Variants in DCC observed in about 807,000 individuals in gnomAD.
The protein encoded by DCC is DCC netrin 1 receptor.
DCC carries 58 observed loss-of-function variants against 172.5 expected under a neutral mutation model. That is an observed-to-expected ratio of 0.34 (90% CI 0.27 to 0.42). The LOEUF is 0.42. DCC is among the 10% of genes least tolerant of loss of function. DCC has a pLI of 1.00. For synonymous variants in DCC, 709 were observed against 644.5 expected (o/e 1.10, Z -1.52); for missense variants, 1,740 against 1,791.0 (o/e 0.97, Z 0.51).
At chr18:53,132,077 A>C (rs2043665286) in intron 7 of DCC, among the ~76,000 whole-genome samples, 1 of 149,480 alleles carries the variant, frequency 6.7e-6, no homozygotes. Flanking sequence ...TTTATAGTGA[A>C]AGTGTGTCTT....
rs183304897 is a variant in DCC, at chr18:52,961,145, G to T, written c.985+35775G>T. ...GCCCGGTGTGGGGGCCTGTTGTGCG[G>T]TGGGGAGAGGGAGGAGGGATAGCAT... On this transcript the variant is annotated intron_variant, in intron 5 of 28. Coordinates refer to ENST00000442544, the MANE Select transcript of DCC (RefSeq NM_005215.4). Among the ~76,000 whole-genome samples, 10 of 152,252 alleles carry T rather than the reference G, an allele frequency of 6.6e-5. No homozygotes were observed. The East Asian group carries it at 1.7e-3, about 27-fold the overall frequency.
At chr18:52,646,804 T>C (rs2035027957) in intron 1 of DCC, among the ~76,000 whole-genome samples, 1 of 152,182 alleles carries the variant, frequency 6.6e-6, no homozygotes, top group South Asian at 2.1e-4. Flanking sequence ...TCATCAAACC[T>C]AGTTATTCAA....
At chr18:52,982,269 A>C (rs906628806) in intron 5 of DCC, among the ~76,000 whole-genome samples, 3 of 152,184 alleles carry the variant, frequency 2.0e-5, no homozygotes, top group Non-Finnish European at 2.9e-5. Flanking sequence ...TATACTCACA[A>C]GAGGGTATAG....
At chr18:53,368,910 T>A (rs2058032282) in intron 15 of DCC, among the ~76,000 whole-genome samples, 1 of 151,964 alleles carries the variant, frequency 6.6e-6, no homozygotes. Flanking sequence ...CAAAATTGTT[T>A]TGGCTATTTG....
At chr18:52,470,551 CAG>C (rs1209785683) in intron 1 of DCC, among the ~76,000 whole-genome samples, 2 of 152,104 alleles carry the variant, frequency 1.3e-5, no homozygotes, top group Non-Finnish European at 2.9e-5. Flanking sequence ...GTAATGCCCA[CAG>C]AGAGGCAGAA....
chr18:52,494,722 G>T (rs185481930), intron 1 of DCC, among the ~76,000 whole-genome samples: 5 of 151,854 alleles, frequency 3.3e-5, no homozygotes, highest in African/African-American at 1.2e-4. Flanking sequence ...GCATCTGTTT[G>T]CTCCAGCTTG....
chr18:53,524,297 GA>G (rs369328515), intron 27 of DCC, among the ~76,000 whole-genome samples: 31 of 146,000 alleles, frequency 2.1e-4, no homozygotes, highest in South Asian at 1.5e-3. Flanking sequence ...TTGAATACAT[GA>G]AAAAAAAAAG....
At position 52,977,155 on chromosome 18, in the gene DCC, C is replaced by T. The variant is rs1598990947; in HGVS notation, c.985+51785C>T. Among the ~76,000 whole-genome samples the T allele has an allele frequency of 2.0e-5, 3 of 151,324 alleles. 1 individual carries two copies. Among genetic ancestry groups the T allele is most frequent in the Admixed American group, 2.0e-4 (3 of 15,224 alleles). On this transcript the variant is annotated intron_variant, in intron 5 of 28. Transcript: ENST00000442544. ...ATTGTTTTATGTCATCTTTTTTTTT[C>T]TTACCCCTCATAACTAAGCTCAGTC... is the stretch of plus-strand genomic sequence containing the variant.
chr18:52,868,053 A>ATATGTGTG (rs61579666), intron 2 of DCC, among the ~76,000 whole-genome samples: 9 of 144,356 alleles, frequency 6.2e-5, no homozygotes, highest in African/African-American at 2.1e-4. Context: ...ATATATATAT[A>ATATGTGTG]TGTGTGTGTG....
chr18:53,324,583 C>A (rs904462694), intron 14 of DCC, among the ~76,000 whole-genome samples: 5 of 151,798 alleles, frequency 3.3e-5, no homozygotes, highest in Non-Finnish European at 7.4e-5. Flanking sequence ...GGAAGCCATG[C>A]GAATAGGTCA....
At chr18:53,247,327 C>T (rs35795577) in intron 12 of DCC, among the ~76,000 whole-genome samples, 9 of 151,908 alleles carry the variant, frequency 5.9e-5, no homozygotes, top group Admixed American at 2.0e-4. Flanking sequence ...AAGAAGACAC[C>T]GTGTGGTGAG....
At chr18:52,645,617 A>G (rs1262811053) in intron 1 of DCC, among the ~76,000 whole-genome samples, 5 of 152,228 alleles carry the variant, frequency 3.3e-5, no homozygotes, top group Admixed American at 3.3e-4. Context: ...GGAATATCCC[A>G]GGTGCATTGT....
chr18:52,610,163 AAAAAAAAAAAAAAAAATATATATATAT>A (rs1213966954), intron 1 of DCC, among the ~76,000 whole-genome samples: 4 of 19,026 alleles, frequency 2.1e-4, no homozygotes, highest in South Asian at 2.8e-3. Context: ...AAAAAAAAAA[AAAAAAAAAAAAAAAAATATATATATAT>A]ATATATATAT....
intron 1 of DCC, among the ~76,000 whole-genome samples, chr18:52,373,194 A>C (rs1985198738): frequency 6.6e-6 from 1 of 152,176 alleles, no homozygotes; most frequent in Non-Finnish European, 1.5e-5. Flanking sequence ...AGTGAGGCAA[A>C]CTAATGGCCA....
intron 1 of DCC, among the ~76,000 whole-genome samples, chr18:52,408,248 A>T (rs939213589): frequency 6.6e-6 from 1 of 152,058 alleles, no homozygotes; most frequent in African/African-American, 2.4e-5. Flanking sequence ...GATTTTTTTA[A>T]GAACTGAAAT....
At chr18:53,381,571 AC>A (rs1907741087) in intron 15 of DCC, among the ~76,000 whole-genome samples, 3 of 75,846 alleles carry the variant, frequency 4.0e-5, no homozygotes, top group Admixed American at 3.5e-4. Flanking sequence ...CCCCCCCCCC[AC>A]CACCACCTTA....
intron 2 of DCC, among the ~76,000 whole-genome samples, chr18:52,819,206 CAA>C (rs71829384): frequency 1.3e-5 from 2 of 152,016 alleles, no homozygotes; most frequent in Admixed American, 6.5e-5. Context: ...ACCAACAAGA[CAA>C]AGAGCTAATC....
intron 21 of DCC, among the ~76,000 whole-genome samples, chr18:53,428,299 A>ATATAT (rs1555670491): frequency 3.0e-4 from 11 of 36,854 alleles, no homozygotes; most frequent in South Asian, 1.8e-3. Flanking sequence ...GAATATAATA[A>ATATAT]TATATAGAAT....
At chr18:52,387,574 TCTTC>T (rs58543615) in intron 1 of DCC, among the ~76,000 whole-genome samples, 10,260 of 122,018 alleles carry the variant, frequency 0.084, 459 homozygotes, top group South Asian at 0.14. Context: ...TTGTTTTGTT[TCTTC>T]CTTCCTTCCT....
Sources: gnomAD v4.1 joint callset for allele counts (sites outside exome capture counted in the v4.1 genomes callset) on GRCh38, gnomAD v4.1.1 for gene constraint, MANE v1.5 for transcripts, NCBI Gene and HGNC (gene_info 2026-07-23, HGNC 2026-07-21) for gene names.